ECT2: variants seen among roughly 807,000 people sequenced by gnomAD.
ECT2 encodes the protein protein ECT2.
In ECT2, 61 loss-of-function variants were observed where a neutral mutation model predicts 116.9. The ratio of observed to expected loss-of-function variants is 0.52; its 90% CI spans 0.42 to 0.65. ECT2 has a LOEUF of 0.65. ECT2 is among the 30% of genes least tolerant of loss of function. The probability of loss-of-function intolerance (pLI) is 0.00; values close to 1 mark genes in which losing one functional copy is unlikely to be tolerated. For missense variants in ECT2, 937 were observed against 1,078.7 expected (o/e 0.87, Z 1.84); for synonymous variants, 358 against 346.4 (o/e 1.03, Z -0.37).
chr3:172,760,334 CTT>C (rs1717981084), intron 7 of ECT2, 71 bp downstream of exon 7: 1 of 780,804 alleles, frequency 1.3e-6, no homozygotes, highest in East Asian at 2.9e-5. Context: ...TAATAGCAGT[CTT>C]TTATCTATTT....
chr3:172,815,209 C>A (rs966443087), intron 22 of ECT2, among the ~76,000 whole-genome samples: 6 of 152,112 alleles, frequency 3.9e-5, no homozygotes, highest in African/African-American at 1.4e-4. Context: ...TGATTGAGGA[C>A]AAAAGGGTAA....
rs560814808 is a variant in ECT2 at position 172,819,811 on chromosome 3, A to G, written c.2656-337A>G. ...AAGAAACCTTGTTTGCCAATTTATA[A>G]TTTTTTCTTTTATAACCTGAAACAC... On this transcript the variant is annotated intron_variant, in intron 24 of 24. Coordinates refer to ENST00000392692, the MANE Select transcript of ECT2 (RefSeq NM_001258315.2). Among the ~76,000 whole-genome samples, 15 of 152,114 alleles carry G rather than the reference A, an allele frequency of 9.9e-5. No homozygotes were observed. The South Asian group carries it at 2.9e-3, about 29-fold the overall frequency.
intron 21 of ECT2, among the ~76,000 whole-genome samples, chr3:172,806,712 G>A (rs898639581): frequency 6.2e-5 from 9 of 145,736 alleles, no homozygotes; most frequent in African/African-American, 2.1e-4. Context: ...GAGTGCAGTG[G>A]CGCAAACTTG....
chr3:172,777,015 G>A (rs1201756556), intron 14 of ECT2, among the ~76,000 whole-genome samples: 1 of 151,968 alleles, frequency 6.6e-6, no homozygotes, highest in East Asian at 1.9e-4. Flanking sequence ...GCTGGGACAG[G>A]TGTGCGCCAC....
intron 16 of ECT2, 65 bp downstream of exon 16, chr3:172,783,974 GA>G: frequency 8.8e-7 from 1 of 1,136,346 alleles, no homozygotes; most frequent in Non-Finnish European, 1.3e-6. Context: ...CCACAATTAT[GA>G]CAAAAATGAA....
intron 7 of ECT2, among the ~76,000 whole-genome samples, chr3:172,760,738 T>G (rs112470747): frequency 5.6e-4 from 73 of 129,422 alleles, no homozygotes; most frequent in South Asian, 3.5e-3. Flanking sequence ...TTTTTTTTTT[T>G]GAGACTGAGT....
chr3:172,810,881 T>A (rs1728650414), intron 22 of ECT2, among the ~76,000 whole-genome samples: 1 of 152,152 alleles, frequency 6.6e-6, no homozygotes, highest in Non-Finnish European at 1.5e-5. Flanking sequence ...GACTACTACT[T>A]TTTAATCTTG....
chr3:172,756,159 T>C (rs2108389753), intron 4 of ECT2, among the ~76,000 whole-genome samples: 1 of 152,310 alleles, frequency 6.6e-6, no homozygotes, highest in African/African-American at 2.4e-5. Flanking sequence ...TCGCCAAATA[T>C]AGTCACACTC....
At chr3:172,758,620 T>G (rs1717571335) in intron 5 of ECT2, among the ~76,000 whole-genome samples, 1 of 152,174 alleles carries the variant, frequency 6.6e-6, no homozygotes, top group African/African-American at 2.4e-5. Context: ...GCCTCTGACC[T>G]GTTTTAATGA....
chr3:172,817,230 A>C (rs957355558), intron 24 of ECT2, among the ~76,000 whole-genome samples: 1 of 152,080 alleles, frequency 6.6e-6, no homozygotes. Context: ...CCCCTAGTGC[A>C]CTTTAAACCT....
chr3:172,754,663 A>AG lies in ECT2; in HGVS notation c.130+3_130+4insG. The stretch of plus-strand genomic sequence containing the variant: ...TGGATCTACTTCATATGTAGAAGGT[A>AG]AACCTGTTACCTGCTTTAAAACAAT... On this transcript the variant is annotated splice_donor_region_variant and intron_variant, in intron 2 of 24. Coordinates refer to ENST00000392692, the MANE Select transcript of ECT2 (RefSeq NM_001258315.2). 6.3e-7 allele frequency: 1 copy of AG among 1,596,714 alleles called. No individual in the cohort carries two copies. The highest frequency in any genetic ancestry group is 8.5e-7 in the Non-Finnish European group (1 of 1,170,836).
intron 22 of ECT2, 135 bp from the exon 23 acceptor site, chr3:172,815,469 A>G (rs1314175558): frequency 3.5e-6 from 2 of 570,736 alleles, no homozygotes; most frequent in East Asian, 6.1e-5. Flanking sequence ...TTCAGGGTAG[A>G]AGTTATATCA....
chr3:172,798,956 A>G (rs1035235381), intron 18 of ECT2, among the ~76,000 whole-genome samples: 1 of 152,204 alleles, frequency 6.6e-6, no homozygotes, highest in African/African-American at 2.4e-5. Flanking sequence ...TTCTTGGCAG[A>G]CCCAGGAACC....
rs540305122 is a variant in ECT2 at position 172,783,199 on chromosome 3, T to A, written c.1618-600T>A. On this transcript the variant is annotated intron_variant, in intron 15 of 24. Transcript: ENST00000392692. ...TTCTTTGAATCTCTTTAAATAGGAT[T>A]TGTAAGTTTCAGTGCCTTGAGTACT... 1.2e-3 allele frequency among the ~76,000 whole-genome samples: 177 copies of A among 152,280 alleles called. 2 individuals are homozygous for A. The highest frequency in any genetic ancestry group is 9.9e-3 in the Admixed American group (152 of 15,298).
chr3:172,761,716 TAA>T, intron 8 of ECT2, 33 bp downstream of exon 8: 1 of 1,412,076 alleles, frequency 7.1e-7, no homozygotes, highest in South Asian at 1.2e-5. Flanking sequence ...GTTCATTATG[TAA>T]ATTAAACATT....
chr3:172,794,308 T>C (rs895818576), intron 18 of ECT2, among the ~76,000 whole-genome samples: 1 of 152,216 alleles, frequency 6.6e-6, no homozygotes, highest in African/African-American at 2.4e-5. Flanking sequence ...TTGAAGTTCA[T>C]TTTTTAAAAT....
the ECT2 span, among the ~76,000 whole-genome samples, chr3:172,827,071 G>A: frequency 2.0e-5 from 3 of 152,042 alleles, no homozygotes; most frequent in East Asian, 3.9e-4. Flanking sequence ...AATGTACATC[G>A]AAACTACAAT....
At chr3:172,753,791 A>T (rs142752188) in intron 1 of ECT2, among the ~76,000 whole-genome samples, 103 of 152,328 alleles carry the variant, frequency 6.8e-4, no homozygotes, top group African/African-American at 2.4e-3. Flanking sequence ...GTAGTTACAG[A>T]TGGTGAGGGT....
At chr3:172,753,427 T>A (rs1716330563) in intron 1 of ECT2, among the ~76,000 whole-genome samples, 2 of 152,198 alleles carry the variant, frequency 1.3e-5, no homozygotes, top group African/African-American at 4.8e-5. Flanking sequence ...TTTTATTCCC[T>A]GTCTAGCTTT....
Sources: gnomAD v4.1 joint callset for allele counts (sites outside exome capture counted in the v4.1 genomes callset) on GRCh38, gnomAD v4.1.1 for gene constraint, MANE v1.5 for transcripts, NCBI Gene and HGNC (gene_info 2026-07-23, HGNC 2026-07-21) for gene names.